The following SLIT3 variants were observed in gnomAD, a reference collection of about 807,000 sequenced individuals.
SLIT3 encodes slit homolog 3 protein.
In SLIT3, 68 loss-of-function variants were observed where a neutral mutation model predicts 184.0. The ratio of observed to expected loss-of-function variants is 0.37; its 90% confidence interval spans 0.30 to 0.45. The LOEUF is 0.45. Ranked by LOEUF, SLIT3 falls within the 20% of genes least tolerant of loss-of-function variation. The pLI, the probability that SLIT3 is intolerant of heterozygous loss-of-function variation, is 1.00. For synonymous variants in SLIT3, 831 were observed against 828.6 expected, an observed-to-expected ratio of 1.00 and a Z score of -0.05; for missense variants, 1,707 against 2,026.0, an observed-to-expected ratio of 0.84 and a Z score of 3.02.
At chr5:168,970,997 C>A (rs1754558187) in intron 4 of SLIT3, among the ~76,000 whole-genome samples, 1 of 152,186 alleles carries the variant, frequency 6.6e-6, no homozygotes, top group South Asian at 2.1e-4. Flanking sequence ...CTTCTTTATC[C>A]ATCTGCCCAA....
chr5:169,161,191 G>T (rs1234913618), intron 4 of SLIT3, among the ~76,000 whole-genome samples: 1 of 152,146 alleles, frequency 6.6e-6, no homozygotes, highest in Non-Finnish European at 1.5e-5. Context: ...GCATCCCAGC[G>T]GTGCCCCAGT....
intron 4 of SLIT3, among the ~76,000 whole-genome samples, chr5:169,049,124 T>C (rs747464960): frequency 5.9e-5 from 9 of 152,214 alleles, no homozygotes; most frequent in Non-Finnish European, 1.0e-4. Context: ...AGTCAAGACC[T>C]ATGTCACATG....
At position 168,781,796 on chromosome 5, in the gene SLIT3, T is replaced by C. The variant is rs558188126; in HGVS notation, c.1151+4111A>G. ...TCTGCCTGTGACTGGGTGAAGCAGA[T>C]GTCTCTGGATGGATGTGCTGTGGTT... On this transcript the variant is annotated intron_variant, in intron 12 of 35. Transcript: ENST00000519560. Among the ~76,000 whole-genome samples the C allele has an allele frequency of 3.9e-5, 6 of 152,288 alleles. No homozygotes were observed. The East Asian group carries it at 1.2e-3, about 29-fold the overall frequency.
chr5:168,829,371 A>T (rs1000628515), intron 6 of SLIT3, among the ~76,000 whole-genome samples: 1 of 152,204 alleles, frequency 6.6e-6, no homozygotes, highest in African/African-American at 2.4e-5. Context: ...CTGTGTGCCA[A>T]CCTTCCTGTG....
intron 3 of SLIT3, among the ~76,000 whole-genome samples, chr5:169,206,587 T>C (rs901975788): frequency 2.6e-5 from 4 of 152,234 alleles, no homozygotes; most frequent in Admixed American, 2.6e-4. Flanking sequence ...TTGAGTTAGT[T>C]CAAAGTGACA....
At chr5:168,679,110 G>T (rs1046895048) in intron 32 of SLIT3, among the ~76,000 whole-genome samples, 2 of 152,186 alleles carry the variant, frequency 1.3e-5, no homozygotes, top group Non-Finnish European at 2.9e-5. Context: ...CCAGGCTGCA[G>T]TGCGGTGGTG....
intron 32 of SLIT3, among the ~76,000 whole-genome samples, chr5:168,675,550 AAG>A (rs1335319548): frequency 1.3e-5 from 2 of 152,316 alleles, no homozygotes; most frequent in Admixed American, 6.5e-5. Flanking sequence ...CAAATAAAAT[AAG>A]AGAGGGTACG....
chr5:168,893,906 C>T (rs1386319422), intron 4 of SLIT3, among the ~76,000 whole-genome samples: 1 of 152,064 alleles, frequency 6.6e-6, no homozygotes, highest in African/African-American at 2.4e-5. Flanking sequence ...TGATAATTAG[C>T]AAAAATTAAG....
intron 4 of SLIT3, among the ~76,000 whole-genome samples, chr5:168,898,258 C>T (rs1180323037): frequency 1.3e-5 from 2 of 152,106 alleles, no homozygotes; most frequent in African/African-American, 4.8e-5. Context: ...GACAGGCACT[C>T]AAGCTGGGTA....
At chr5:168,864,074 G>C (rs1246595363) in intron 5 of SLIT3, among the ~76,000 whole-genome samples, 8 of 151,972 alleles carry the variant, frequency 5.3e-5, no homozygotes, top group African/African-American at 1.9e-4. Context: ...GCTGGGTGTG[G>C]TGGCATGTGC....
At chr5:169,195,819 C>A (rs907521511) in intron 3 of SLIT3, among the ~76,000 whole-genome samples, 1 of 152,118 alleles carries the variant, frequency 6.6e-6, no homozygotes, top group African/African-American at 2.4e-5. Flanking sequence ...AGTCACCGTG[C>A]CCGGCTGAGG....
chr5:169,133,090 G>A (rs35794230), intron 4 of SLIT3, among the ~76,000 whole-genome samples: 8,052 of 152,252 alleles, frequency 0.053, 250 homozygotes, highest in Middle Eastern at 0.11. Context: ...ATGATGGCTA[G>A]CAAGAGGTGC....
At chr5:168,948,796 T>C (rs530168475) in intron 4 of SLIT3, among the ~76,000 whole-genome samples, 15 of 152,204 alleles carry the variant, frequency 9.9e-5, no homozygotes, top group Non-Finnish European at 1.9e-4. Context: ...TTACCCAGGA[T>C]AGTGTCAAAG....
chr5:169,199,491 T>A (rs1465513962), intron 3 of SLIT3, among the ~76,000 whole-genome samples: 1 of 152,174 alleles, frequency 6.6e-6, no homozygotes, highest in African/African-American at 2.4e-5. Context: ...TCTGCAATGC[T>A]GAAATCTCTC....
At chr5:169,224,749 C>T (rs1335677924) in intron 3 of SLIT3, among the ~76,000 whole-genome samples, 10 of 151,894 alleles carry the variant, frequency 6.6e-5, no homozygotes, top group Non-Finnish European at 1.3e-4. Context: ...TGCAGTGGTG[C>T]GATCTTGGCT....
intron 6 of SLIT3, among the ~76,000 whole-genome samples, chr5:168,833,925 T>A (rs913380092): frequency 6.6e-6 from 1 of 152,154 alleles, no homozygotes; most frequent in Non-Finnish European, 1.5e-5. Context: ...GGCTCTAAAA[T>A]AGCATTTCTG....
At chr5:168,903,720 T>G (rs1760946674) in intron 4 of SLIT3, among the ~76,000 whole-genome samples, 1 of 152,182 alleles carries the variant, frequency 6.6e-6, no homozygotes, top group South Asian at 2.1e-4. Flanking sequence ...TTCTCCTCTC[T>G]GTTATTGTCC....
intron 12 of SLIT3, among the ~76,000 whole-genome samples, chr5:168,779,090 C>T (rs920806677): frequency 6.6e-6 from 1 of 152,242 alleles, no homozygotes; most frequent in Non-Finnish European, 1.5e-5. Flanking sequence ...ACACACTTCA[C>T]AAGGCCAGGT....
rs373784033 is a variant in SLIT3, at chr5:168,919,898, ACACT to A, written c.414-36566_414-36563del. 2.0e-3 allele frequency among the ~76,000 whole-genome samples: 303 copies of A among 152,332 alleles called. 1 individual carries two copies. Among genetic ancestry groups the A allele is most frequent in the Middle Eastern group, 0.01 (3 of 294 alleles). On this transcript the variant is annotated intron_variant, in intron 4 of 35. Coordinates refer to ENST00000519560, the MANE Select transcript of SLIT3 (RefSeq NM_003062.4). ...CTTCTTTGATGCGAGGTTTTGATGT[ACACT>A]CAATTTGATATTATTCAATATGCTT... is the stretch of plus-strand genomic sequence containing the variant.
Sources: gnomAD v4.1 joint callset for allele counts (sites outside exome capture counted in the v4.1 genomes callset) on GRCh38, gnomAD v4.1.1 for gene constraint, MANE v1.5 for transcripts, NCBI Gene and HGNC (gene_info 2026-07-23, HGNC 2026-07-21) for gene names.